DENND1A: variants seen among roughly 807,000 people sequenced by gnomAD.
DENND1A encodes the protein DENN domain containing 1A.
A neutral mutation model predicts 113.7 loss-of-function variants in DENND1A; 51 were observed. The observed-to-expected ratio is 0.45, with a 90% CI of 0.36 to 0.57. DENND1A has a LOEUF of 0.57. DENND1A is among the 20% of genes least tolerant of loss of function. The probability of loss-of-function intolerance (pLI) is 0.00; values close to 1 mark genes in which losing one functional copy is unlikely to be tolerated. For missense variants in DENND1A, 1,258 were observed against 1,395.9 expected, an observed-to-expected ratio of 0.90 and a Z score of 1.57; for synonymous variants, 565 against 570.8, an observed-to-expected ratio of 0.99 and a Z score of 0.14.
intron 2 of DENND1A, among the ~76,000 whole-genome samples, chr9:123,808,849 C>T (rs536532794): frequency 3.3e-4 from 51 of 152,306 alleles, no homozygotes; most frequent in African/African-American, 1.2e-3. Context: ...CCAACAACCC[C>T]ACACTGGCAG....
intron 1 of DENND1A, among the ~76,000 whole-genome samples, chr9:123,904,857 C>T (rs1045395410): frequency 1.4e-4 from 21 of 152,164 alleles, no homozygotes; most frequent in African/African-American, 3.9e-4. Flanking sequence ...ATACAGAGAA[C>T]GCCACACAGA....
At chr9:123,420,551 C>T (rs925443452) in intron 19 of DENND1A, among the ~76,000 whole-genome samples, 4 of 152,258 alleles carry the variant, frequency 2.6e-5, no homozygotes, top group East Asian at 1.9e-4. Flanking sequence ...GTCCTGTCAA[C>T]GACTCTCTCC....
intron 3 of DENND1A, among the ~76,000 whole-genome samples, chr9:123,791,749 A>T (rs1284269001): frequency 6.6e-6 from 1 of 152,212 alleles, no homozygotes; most frequent in Non-Finnish European, 1.5e-5. Flanking sequence ...AGATGCTTTT[A>T]CTGTATATGG....
intron 5 of DENND1A, among the ~76,000 whole-genome samples, chr9:123,678,217 A>G (rs977311567): frequency 5.9e-5 from 9 of 151,930 alleles, no homozygotes; most frequent in Non-Finnish European, 8.8e-5. Flanking sequence ...ATCTTTCTTC[A>G]CTTTGTCTTT....
intron 13 of DENND1A, among the ~76,000 whole-genome samples, chr9:123,480,019 T>C (rs1019914443): frequency 3.9e-5 from 6 of 152,220 alleles, no homozygotes; most frequent in Admixed American, 6.5e-5. Context: ...CCTACCGAAG[T>C]AGGAGCTGAT....
chr9:123,586,850 C>T (rs1242746666), intron 11 of DENND1A, among the ~76,000 whole-genome samples: 1 of 152,090 alleles, frequency 6.6e-6, no homozygotes, highest in East Asian at 1.9e-4. Context: ...GTCAGGGACA[C>T]TAGCATCTCT....
intron 9 of DENND1A, among the ~76,000 whole-genome samples, chr9:123,649,357 C>T (rs556775255): frequency 6.6e-6 from 1 of 152,232 alleles, no homozygotes; most frequent in East Asian, 1.9e-4. Context: ...AGGATTTTTA[C>T]CCCTACATTA....
chr9:123,832,839 G>A (rs746501841), intron 2 of DENND1A, among the ~76,000 whole-genome samples: 4 of 152,148 alleles, frequency 2.6e-5, no homozygotes, highest in African/African-American at 4.8e-5. Flanking sequence ...GCTATTAGAA[G>A]TTAAGATAAT....
At chr9:123,470,197 G>C (rs1473877012) in intron 13 of DENND1A, among the ~76,000 whole-genome samples, 1 of 152,186 alleles carries the variant, frequency 6.6e-6, no homozygotes, top group Admixed American at 6.5e-5. Context: ...CCATTACATA[G>C]GGTGAGTCCA....
chr9:123,565,368 C>T (rs183462586), intron 12 of DENND1A, among the ~76,000 whole-genome samples: 9 of 152,334 alleles, frequency 5.9e-5, no homozygotes, highest in African/African-American at 2.2e-4. Context: ...TGGCGCACCT[C>T]ATTGAGAGGT....
At chr9:123,593,899 T>C (rs905425356) in intron 11 of DENND1A, among the ~76,000 whole-genome samples, 65 of 152,100 alleles carry the variant, frequency 4.3e-4, no homozygotes, top group African/African-American at 1.5e-3. Context: ...GTTCTTGTGA[T>C]GGTGAGTGAG....
chr9:123,681,214 G>A (rs1416953905), intron 5 of DENND1A, among the ~76,000 whole-genome samples: 1 of 151,738 alleles, frequency 6.6e-6, no homozygotes, highest in Admixed American at 6.6e-5. Flanking sequence ...TGGAGTGGAG[G>A]GCCTGACCAG....
intron 21 of DENND1A, among the ~76,000 whole-genome samples, chr9:123,402,267 C>T (rs1022710159): frequency 5.3e-5 from 8 of 152,112 alleles, no homozygotes; most frequent in East Asian, 3.9e-4. Context: ...CACACACGCA[C>T]GCACACATAT....
chr9:123,423,223 A>G (rs1042150779), intron 19 of DENND1A, among the ~76,000 whole-genome samples: 25 of 152,246 alleles, frequency 1.6e-4, no homozygotes, highest in Admixed American at 1.1e-3. Flanking sequence ...CTTCAGGGTG[A>G]ATGGCTGAAA....
At chr9:123,816,244 T>C (rs1013229568) in intron 2 of DENND1A, among the ~76,000 whole-genome samples, 1 of 152,142 alleles carries the variant, frequency 6.6e-6, no homozygotes, top group Non-Finnish European at 1.5e-5. Context: ...TCAAGTGATC[T>C]GCCAGCCTTG....
At chr9:123,662,684 G>A (rs1383368379) in intron 8 of DENND1A, among the ~76,000 whole-genome samples, 1 of 152,222 alleles carries the variant, frequency 6.6e-6, no homozygotes, top group Non-Finnish European at 1.5e-5. Flanking sequence ...AATCAAGAAT[G>A]AGGAAGATGT....
intron 2 of DENND1A, chr9:123,798,347 A>C (rs1396654226): frequency 6.6e-6 from 1 of 152,196 alleles, no homozygotes; most frequent in Non-Finnish European, 1.5e-5. Flanking sequence ...TCCTGCTCCG[A>C]TGTGACTATT....
chr9:123,870,695 A>G lies in DENND1A; in HGVS notation c.88+8256T>C, dbSNP rs1019192683. ...CGTGATCCGCCCACCTCAGCCTCCC[A>G]AAGTGCTGGGATTATAGGTGTGAAC... is the stretch of plus-strand genomic sequence containing the variant. On this transcript the variant is annotated intron_variant, in intron 2 of 23. Transcript: ENST00000394215. Among the ~76,000 whole-genome samples, 6 of 152,086 alleles carry G rather than the reference A, an allele frequency of 3.9e-5. No homozygotes were observed. In the East Asian group the frequency reaches 5.8e-4, roughly 15 times the overall value.
chr9:123,550,899 C>G (rs1447068344), intron 13 of DENND1A, among the ~76,000 whole-genome samples: 1 of 152,196 alleles, frequency 6.6e-6, no homozygotes, highest in East Asian at 1.9e-4. Context: ...CTTTTATCCC[C>G]TTCTTGCCAA....
Sources: allele counts gnomAD v4.1 joint callset (sites outside exome capture counted in the v4.1 genomes callset), GRCh38; gene constraint gnomAD v4.1.1; transcripts MANE v1.5; gene names NCBI Gene and HGNC (gene_info 2026-07-23, HGNC 2026-07-21).